Variants in CHPT1 observed in about 807,000 individuals in gnomAD.
The protein encoded by CHPT1 is choline phosphotransferase 1.
In CHPT1, 36 loss-of-function variants were observed where a neutral mutation model predicts 47.6. That is an observed-to-expected ratio of 0.76 (90% CI 0.58 to 1.00). The LOEUF (loss-of-function observed/expected upper bound fraction) is 1.00. CHPT1 is among the 50% of genes least tolerant of loss of function. The pLI is 0.00. For synonymous variants in CHPT1, 194 were observed against 186.3 expected (o/e 1.04, Z -0.33); for missense variants, 458 against 498.1 (o/e 0.92, Z 0.77).
At chr12:101,718,047 C>T (rs1269232089) in intron 4 of CHPT1, among the ~76,000 whole-genome samples, 1 of 152,034 alleles carries the variant, frequency 6.6e-6, no homozygotes, top group East Asian at 1.9e-4. Context: ...TTGTGTGATT[C>T]CAACTATATG....
At chr12:101,706,018 T>G (rs1951626856) in intron 1 of CHPT1, among the ~76,000 whole-genome samples, 1 of 152,040 alleles carries the variant, frequency 6.6e-6, no homozygotes, top group Non-Finnish European at 1.5e-5. Flanking sequence ...AGCCTGATTT[T>G]CATCATCTAC....
intron 4 of CHPT1, among the ~76,000 whole-genome samples, chr12:101,718,299 A>G (rs947422659): frequency 1.3e-5 from 2 of 152,178 alleles, no homozygotes; most frequent in African/African-American, 4.8e-5. Context: ...GTGTCAATGT[A>G]GGTTCACCAG....
intron 6 of CHPT1, 64 bp from the exon 7 acceptor site, chr12:101,723,658 C>A: frequency 2.0e-6 from 2 of 999,678 alleles, no homozygotes; most frequent in South Asian, 1.7e-5. Flanking sequence ...ATAATTAATT[C>A]TGTCGTAAAA....
rs1378636485 is a variant in CHPT1 at position 101,705,264 on chromosome 12, T to C, written c.273+7130T>C. Among the ~76,000 whole-genome samples the C allele has an allele frequency of 1.4e-4, 16 of 110,388 alleles. 2 individuals are homozygous for C. The highest frequency in any genetic ancestry group is 7.0e-5 in the Non-Finnish European group (4 of 57,320). 72.4% of individuals were successfully genotyped at this position (110,388 alleles called of 152,430 possible). A position where few individuals can be genotyped will look rare whatever the true frequency, so the allele number is the denominator to read the frequency against. On this transcript the variant is annotated intron_variant, in intron 1 of 8. Transcript: ENST00000229266. ...TTTTAGTAGAGATGGGGTTTCACTA[T>C]GTTGGTCAGGCTGGGCTCGAACTCC... is the stretch of plus-strand genomic sequence containing the variant.
chr12:101,725,932 G>A (rs1360988779), intron 7 of CHPT1, among the ~76,000 whole-genome samples: 1 of 152,116 alleles, frequency 6.6e-6, no homozygotes, highest in Non-Finnish European at 1.5e-5. Context: ...GTATATGATG[G>A]AATTAATTCA....
chr12:101,721,928 G>A (rs1951857325), intron 5 of CHPT1, among the ~76,000 whole-genome samples: 1 of 151,810 alleles, frequency 6.6e-6, no homozygotes, highest in Non-Finnish European at 1.5e-5. Flanking sequence ...GCTTAGTGGC[G>A]GGCACCTGTA....
intron 1 of CHPT1, among the ~76,000 whole-genome samples, chr12:101,706,028 C>T (rs910236647): frequency 2.6e-5 from 4 of 151,924 alleles, no homozygotes; most frequent in South Asian, 4.2e-4. Flanking sequence ...TCATCATCTA[C>T]GTATTTAGCT....
chr12:101,711,924 C>T (rs1437121903), intron 1 of CHPT1, among the ~76,000 whole-genome samples: 2 of 148,858 alleles, frequency 1.3e-5, no homozygotes, highest in South Asian at 2.1e-4. Context: ...TTTGTACTGT[C>T]GTGATGACTG....
chr12:101,704,175 AG>A (rs142066087), intron 1 of CHPT1, among the ~76,000 whole-genome samples: 4,863 of 151,924 alleles, frequency 0.032, 268 homozygotes, highest in African/African-American at 0.11. Context: ...TCAAGCAAAG[AG>A]GTTTTTTTGT....
chr12:101,719,498 A>G (rs550689324), intron 4 of CHPT1: 1 of 1,269,950 alleles, frequency 7.9e-7, no homozygotes, highest in African/African-American at 1.5e-5. Context: ...AGTTTTCTTG[A>G]ACAGCAGTTG....
chr12:101,708,706 C>T (rs923284704), intron 1 of CHPT1, among the ~76,000 whole-genome samples: 5 of 124,712 alleles, frequency 4.0e-5, no homozygotes, highest in African/African-American at 7.8e-5. Context: ...AAGCAATTCT[C>T]GTGCCTCAGC....
intron 7 of CHPT1, among the ~76,000 whole-genome samples, chr12:101,724,770 A>G (rs1011822399): frequency 1.3e-5 from 2 of 152,206 alleles, no homozygotes; most frequent in African/African-American, 4.8e-5. Flanking sequence ...TCTATTCAAA[A>G]TGATTATAAA....
chr12:101,701,154 C>A (rs1036563858), intron 1 of CHPT1, among the ~76,000 whole-genome samples: 1 of 152,162 alleles, frequency 6.6e-6, no homozygotes, highest in Non-Finnish European at 1.5e-5. Flanking sequence ...TTCAAGCCAT[C>A]ATTTCCAATA....
At chr12:101,706,310 A>T (rs1383865048) in intron 1 of CHPT1, among the ~76,000 whole-genome samples, 1 of 151,462 alleles carries the variant, frequency 6.6e-6, no homozygotes, top group Admixed American at 6.6e-5. Flanking sequence ...AGATTACACC[A>T]CTGCACTCCA....
chr12:101,719,955 T>TAAATA (rs1555263046), intron 4 of CHPT1, 168 bp from the exon 5 acceptor site: 2 of 300,838 alleles, frequency 6.6e-6, no homozygotes, highest in African/African-American at 1.0e-4. Context: ...AAAAAAAAGT[T>TAAATA]AAAAAAAAGT....
chr12:101,726,847 G>GATT, intron 8 of CHPT1: 1 of 172,560 alleles, frequency 5.8e-6, no homozygotes, highest in East Asian at 1.5e-4. Context: ...CTGCTTAAGT[G>GATT]CATGGCTTAT....
rs140766249 is a variant in CHPT1 at position 101,726,335 on chromosome 12, G to A, written c.1107G>A (p.Leu369=). The A allele has an allele frequency of 9.3e-6, 15 of 1,612,922 alleles. No homozygotes were observed. In the Middle Eastern group the frequency reaches 4.9e-4, roughly 53 times the overall value. The change falls in exon 8 of 9, where the codon TTG becomes TTA. Residue 369 remains leucine, a synonymous_variant. Coordinates refer to ENST00000229266, the MANE Select transcript of CHPT1 (RefSeq NM_020244.3). Reference sequence around the variant, plus strand: ...ATATGGTGATATACTTTAGTGCTTTGTGCCTGCAAATTTCAAGACACCTTC... The same window carrying A: ...ATATGGTGATATACTTTAGTGCTTTATGCCTGCAAATTTCAAGACACCTTC... The part of the protein sequence containing the change: ...SFDMVIYFSA[L]CLQISRHLHL...
At chr12:101,721,164 A>G (rs930091748) in intron 5 of CHPT1, among the ~76,000 whole-genome samples, 1 of 152,092 alleles carries the variant, frequency 6.6e-6, no homozygotes, top group Non-Finnish European at 1.5e-5. Flanking sequence ...ATGCTTTTGT[A>G]AATCCAGCTA....
intron 1 of CHPT1, among the ~76,000 whole-genome samples, chr12:101,710,905 G>A (rs1486615254): frequency 6.7e-6 from 1 of 148,546 alleles, no homozygotes; most frequent in East Asian, 2.0e-4. Context: ...TTTTACATAT[G>A]TTTGACGTGT....
Sources: allele counts gnomAD v4.1 joint callset (sites outside exome capture counted in the v4.1 genomes callset), GRCh38; gene constraint gnomAD v4.1.1; transcripts MANE v1.5; gene names NCBI Gene and HGNC (gene_info 2026-07-23, HGNC 2026-07-21).